Variants in XKR6 observed in about 807,000 individuals in gnomAD.
XKR6 encodes XK related 6.
XKR6 carries 22 observed loss-of-function variants against 56.7 expected under a neutral mutation model. That is an observed-to-expected ratio of 0.39 (90% CI 0.28 to 0.55). The LOEUF (loss-of-function observed/expected upper bound fraction) is 0.55, where lower values mean the gene tolerates loss of function less well. XKR6 is among the 20% of genes least tolerant of loss of function. XKR6 has a pLI of 0.66. For synonymous variants in XKR6, 524 were observed against 387.8 expected (o/e 1.35, Z -4.13); for missense variants, 852 against 889.0 (o/e 0.96, Z 0.53).
chr8:11,010,416 C>T (rs1260096953), intron 1 of XKR6, among the ~76,000 whole-genome samples: 1 of 152,110 alleles, frequency 6.6e-6, no homozygotes, highest in Admixed American at 6.5e-5. Flanking sequence ...TGACTTTGGG[C>T]AAATGACTTC....
chr8:11,109,133 A>G (rs1226544523), intron 1 of XKR6: 1 of 152,198 alleles, frequency 6.6e-6, no homozygotes, highest in Non-Finnish European at 1.5e-5. Context: ...TTCTAGTACA[A>G]CTGAGGCCAA....
intron 1 of XKR6, among the ~76,000 whole-genome samples, chr8:11,164,225 G>A (rs968845035): frequency 6.6e-6 from 1 of 152,346 alleles, no homozygotes; most frequent in South Asian, 2.1e-4. Context: ...GCCTCAAGCA[G>A]AGCCCACAGT....
At chr8:11,055,053 G>A (rs1271937541) in intron 1 of XKR6, among the ~76,000 whole-genome samples, 1 of 152,176 alleles carries the variant, frequency 6.6e-6, no homozygotes, top group Non-Finnish European at 1.5e-5. Context: ...GATGTTTGTG[G>A]GAGGAGGTAT....
intron 1 of XKR6, among the ~76,000 whole-genome samples, chr8:11,049,622 T>A (rs1262041376): frequency 1.3e-5 from 2 of 152,186 alleles, no homozygotes; most frequent in Admixed American, 1.3e-4. Context: ...AGACCCATCC[T>A]GCAAGAAGGG....
At chr8:11,137,724 G>T (rs967326233) in intron 1 of XKR6, 1 of 456,204 alleles carries the variant, frequency 2.2e-6, no homozygotes. Flanking sequence ...AAATAGGAAA[G>T]AAGAAAACCA....
chr8:10,990,893 G>GTTTT (rs1419173111), intron 1 of XKR6, among the ~76,000 whole-genome samples: 1 of 82,166 alleles, frequency 1.2e-5, no homozygotes, highest in African/African-American at 7.1e-5. Context: ...ACTGGGGAAT[G>GTTTT]TCTTTTTTTT....
At chr8:11,110,575 T>A (rs76656179) in intron 1 of XKR6, among the ~76,000 whole-genome samples, 1,892 of 152,310 alleles carry the variant, frequency 0.012, 27 homozygotes, top group Non-Finnish European at 0.021. Context: ...ATTTCCAAGT[T>A]GCTCTGAATG....
At chr8:11,080,075 G>C (rs1438494254) in intron 1 of XKR6, among the ~76,000 whole-genome samples, 1 of 152,048 alleles carries the variant, frequency 6.6e-6, no homozygotes, top group African/African-American at 2.4e-5. Context: ...GTGCATGCTT[G>C]AGATCAGTCC....
chr8:10,959,082 G>A (rs538265106), intron 1 of XKR6, among the ~76,000 whole-genome samples: 42 of 152,268 alleles, frequency 2.8e-4, no homozygotes, highest in African/African-American at 9.9e-4. Flanking sequence ...ACCTCTCCTG[G>A]GTCACTTTGG....
chr8:11,015,996 G>A (rs1798610841), intron 1 of XKR6, among the ~76,000 whole-genome samples: 1 of 152,078 alleles, frequency 6.6e-6, no homozygotes, highest in South Asian at 2.1e-4. Flanking sequence ...CAGACGATCC[G>A]GCTCGGTTTG....
intron 2 of XKR6, among the ~76,000 whole-genome samples, chr8:10,902,845 G>A (rs575253487): frequency 6.6e-6 from 1 of 152,196 alleles, no homozygotes; most frequent in South Asian, 2.1e-4. Context: ...GATCCTGCAA[G>A]GAGGGGACTT....
intron 1 of XKR6, among the ~76,000 whole-genome samples, chr8:11,033,272 CG>C (rs1799039594): frequency 2.1e-5 from 2 of 95,914 alleles, no homozygotes; most frequent in Non-Finnish European, 4.1e-5. Context: ...ATGATGATGG[CG>C]ATGATGACGA....
At chr8:11,081,159 G>C (rs1184312048) in intron 1 of XKR6, among the ~76,000 whole-genome samples, 1 of 152,208 alleles carries the variant, frequency 6.6e-6, no homozygotes, top group Admixed American at 6.5e-5. Flanking sequence ...TCTGAGAAAA[G>C]TAAGGATACT....
chr8:11,149,063 G>A (rs1801136092), intron 1 of XKR6, among the ~76,000 whole-genome samples: 2 of 152,220 alleles, frequency 1.3e-5, no homozygotes, highest in Admixed American at 1.3e-4. Context: ...GGGGGTCTCA[G>A]GACCTGAATG....
At chr8:11,125,154 C>G (rs1799708759) in intron 1 of XKR6, among the ~76,000 whole-genome samples, 1 of 150,934 alleles carries the variant, frequency 6.6e-6, no homozygotes, top group South Asian at 2.1e-4. Context: ...AATGTGAAAG[C>G]AAGCGTGGGG....
chr8:10,986,796 T>G (rs188934491), intron 1 of XKR6, among the ~76,000 whole-genome samples: 1 of 152,078 alleles, frequency 6.6e-6, no homozygotes, highest in Non-Finnish European at 1.5e-5. Context: ...TTCTTTTTTT[T>G]TTTTAAGAGA....
intron 1 of XKR6, among the ~76,000 whole-genome samples, chr8:11,070,887 C>T (rs1800097619): frequency 6.6e-6 from 1 of 152,190 alleles, no homozygotes; most frequent in Non-Finnish European, 1.5e-5. Flanking sequence ...ATTCCTCCTG[C>T]TGAACCCACC....
At chr8:11,103,699 G>C (rs550090503) in intron 1 of XKR6, among the ~76,000 whole-genome samples, 1 of 152,288 alleles carries the variant, frequency 6.6e-6, no homozygotes, top group African/African-American at 2.4e-5. Context: ...GAGGGAGACT[G>C]AGATAAACTC....
intron 1 of XKR6, among the ~76,000 whole-genome samples, chr8:11,051,462 C>A (rs988799244): frequency 7.2e-5 from 11 of 152,212 alleles, no homozygotes; most frequent in Admixed American, 6.5e-5. Context: ...AACTGAACTC[C>A]TAAGTTTTCC....
Sources: allele counts gnomAD v4.1 joint callset (sites outside exome capture counted in the v4.1 genomes callset), GRCh38; gene constraint gnomAD v4.1.1; transcripts MANE v1.5; gene names NCBI Gene and HGNC (gene_info 2026-07-23, HGNC 2026-07-21).